CUBN: variants seen among roughly 807,000 people sequenced by gnomAD.
The protein encoded by CUBN is 460 kDa receptor.
In CUBN, 282 loss-of-function variants were observed where a neutral mutation model predicts 405.3. The ratio of observed to expected loss-of-function variants is 0.70; its 90% confidence interval spans 0.63 to 0.77. The LOEUF is 0.77. Ranked by LOEUF, CUBN falls within the 30% of genes least tolerant of loss-of-function variation. CUBN has a pLI of 0.00. For missense variants in CUBN, 4,514 were observed against 4,475.2 expected (o/e 1.01, Z -0.25); for synonymous variants, 1,684 against 1,617.0 (o/e 1.04, Z -0.99).
At position 16,847,417 on chromosome 10, in the gene CUBN, A is replaced by G. The variant is rs566073020; in HGVS notation, c.9663+3818T>C. On this transcript the variant is annotated intron_variant, in intron 60 of 66. Coordinates refer to ENST00000377833, the MANE Select transcript of CUBN (RefSeq NM_001081.4). ...CAGTGAGCCGAGATAGCACCACTGC[A>G]GTCCAGCCTGGGCAAGACAGCACCA... Among the ~76,000 whole-genome samples, 17 of 152,242 alleles carry G rather than the reference A, an allele frequency of 1.1e-4. No individual in the cohort carries two copies. In the South Asian group the frequency reaches 2.7e-3, roughly 24 times the overall value.
intron 29 of CUBN, among the ~76,000 whole-genome samples, chr10:16,986,796 T>A (rs1833440555): frequency 6.6e-6 from 1 of 152,160 alleles, no homozygotes; most frequent in Admixed American, 6.5e-5. Context: ...TGACAGCATG[T>A]GCTCCCAATC....
intron 22 of CUBN, among the ~76,000 whole-genome samples, chr10:17,058,723 CCTT>C (rs796608743): frequency 4.7e-4 from 71 of 152,070 alleles, no homozygotes; most frequent in African/African-American, 1.7e-3. Flanking sequence ...ATAAATGGCT[CCTT>C]CTAGAATAAT....
intron 22 of CUBN, among the ~76,000 whole-genome samples, chr10:17,063,138 C>G (rs920965869): frequency 3.2e-4 from 49 of 152,302 alleles, no homozygotes; most frequent in Non-Finnish European, 6.0e-4. Flanking sequence ...CAGGACCCCC[C>G]CTCAGCAATG....
At chr10:16,895,034 A>C (rs759543105) in intron 54 of CUBN, among the ~76,000 whole-genome samples, 6 of 152,170 alleles carry the variant, frequency 3.9e-5, no homozygotes. Flanking sequence ...CTCTTACACC[A>C]CAGCAGAAAA....
chr10:17,052,549 GAGTC>G (rs1835293347), intron 22 of CUBN, among the ~76,000 whole-genome samples: 1 of 151,686 alleles, frequency 6.6e-6, no homozygotes, highest in Non-Finnish European at 1.5e-5. Context: ...CTGAGGTCAG[GAGTC>G]CGAGACCAGC....
At chr10:16,910,087 C>T (rs151037481) in intron 48 of CUBN, among the ~76,000 whole-genome samples, 2 of 150,638 alleles carry the variant, frequency 1.3e-5, no homozygotes, top group East Asian at 3.9e-4. Context: ...TCTCTTTCTC[C>T]CTCTCCTTCT....
rs190105742 is a variant in CUBN at position 16,951,806 on chromosome 10, G to A, written c.4969+470C>T. Among the ~76,000 whole-genome samples the A allele has an allele frequency of 2.5e-3, 385 of 152,268 alleles. 2 individuals carry two copies. The highest frequency in any genetic ancestry group is 3.9e-3 in the Non-Finnish European group (265 of 68,006). On this transcript the variant is annotated intron_variant, in intron 33 of 66. Transcript: ENST00000377833. ...AATGTTTGCTTTGATGGATAGGTGCGCGCATTGCATTCTGGCCCGTGAGTC... is the reference window on the plus strand; with the variant it reads ...AATGTTTGCTTTGATGGATAGGTGCACGCATTGCATTCTGGCCCGTGAGTC...
chr10:16,862,143 G>GTC lies in CUBN; in HGVS notation c.9454+7491_9454+7492dup, dbSNP rs764285300. ...CAGCCTGGCAACAGAGTGAGACTCC[G>GTC]TCTCTCTCTCTCTCTCTCACACACA... is the stretch of plus-strand genomic sequence containing the variant. On this transcript the variant is annotated intron_variant, in intron 59 of 66. Coordinates refer to ENST00000377833, the MANE Select transcript of CUBN (RefSeq NM_001081.4). Among the ~76,000 whole-genome samples the GTC allele has an allele frequency of 2.1e-3, 255 of 121,348 alleles. 2 individuals are homozygous for GTC. The highest frequency in any genetic ancestry group is 0.015 in the East Asian group (56 of 3,764). The allele number at this position is 121,348 out of a possible 152,430, so 79.6% of individuals were successfully genotyped here.
At chr10:17,022,422 T>C (rs1250681044) in intron 27 of CUBN, among the ~76,000 whole-genome samples, 2 of 152,208 alleles carry the variant, frequency 1.3e-5, no homozygotes, top group African/African-American at 2.4e-5. Flanking sequence ...TTTTTCGTAC[T>C]GCTGCTTTGA....
chr10:16,875,015 G>C (rs891235175), intron 57 of CUBN, among the ~76,000 whole-genome samples: 1 of 152,098 alleles, frequency 6.6e-6, no homozygotes, highest in Non-Finnish European at 1.5e-5. Context: ...GAGCTTTCCA[G>C]TTTAGTTCCT....
intron 31 of CUBN, among the ~76,000 whole-genome samples, chr10:16,958,675 G>A (rs1448713063): frequency 6.6e-6 from 1 of 152,214 alleles, no homozygotes; most frequent in Admixed American, 6.5e-5. Flanking sequence ...GGAGGCAAGT[G>A]CTAAGCTATT....
chr10:17,015,930 C>T (rs944215268), intron 28 of CUBN, among the ~76,000 whole-genome samples: 1 of 152,158 alleles, frequency 6.6e-6, no homozygotes, highest in African/African-American at 2.4e-5. Flanking sequence ...AAGGCTGTGG[C>T]CTTTCTCTGA....
intron 22 of CUBN, among the ~76,000 whole-genome samples, chr10:17,061,229 C>A (rs1835499175): frequency 6.6e-6 from 1 of 152,196 alleles, no homozygotes; most frequent in Admixed American, 6.6e-5. Flanking sequence ...ACAGTCCAAT[C>A]CACTATTGTA....
At chr10:16,898,772 C>T (rs1841269506) in intron 54 of CUBN, among the ~76,000 whole-genome samples, 1 of 151,912 alleles carries the variant, frequency 6.6e-6, no homozygotes, top group Non-Finnish European at 1.5e-5. Flanking sequence ...GTGGTAGTGC[C>T]CTATATTATA....
intron 27 of CUBN, among the ~76,000 whole-genome samples, chr10:17,037,322 AG>A (rs1231867985): frequency 1.3e-5 from 2 of 152,240 alleles, no homozygotes; most frequent in African/African-American, 4.8e-5. Context: ...ATGAAGATTT[AG>A]GGAGGTCATG....
intron 22 of CUBN, among the ~76,000 whole-genome samples, chr10:17,055,508 T>A (rs983035138): frequency 2.0e-5 from 3 of 152,072 alleles, no homozygotes; most frequent in African/African-American, 7.2e-5. Context: ...TTGTCATCTA[T>A]GTAGTATATA....
intron 50 of CUBN, among the ~76,000 whole-genome samples, chr10:16,905,372 C>T (rs746709140): frequency 3.3e-5 from 5 of 152,072 alleles, no homozygotes; most frequent in Non-Finnish European, 7.4e-5. Flanking sequence ...TTGAGTACAC[C>T]GCAATCCTTT....
At chr10:16,849,418 G>A (rs569825688) in intron 60 of CUBN, among the ~76,000 whole-genome samples, 1 of 152,206 alleles carries the variant, frequency 6.6e-6, no homozygotes, top group East Asian at 1.9e-4. Flanking sequence ...TGGAAGGAAG[G>A]CTCTTTGCTG....
Position 17,127,779 on chromosome 10 carries a change from T to C in CUBN, c.348+50A>G, listed in dbSNP as rs114286622. 9 of 1,366,272 alleles carry C rather than the reference T, an allele frequency of 6.6e-6. No homozygotes were observed. The South Asian group carries it at 8.4e-5, about 13-fold the overall frequency. 84.6% of individuals were successfully genotyped at this position (1,366,272 alleles called of 1,614,324 possible). A position where few individuals can be genotyped will look rare whatever the true frequency, so the allele number is the denominator to read the frequency against. ...CCCTACAAAACGGTTACTTATACAA[T>C]AGAACTAGGGAGAACTCATCGGTTC... On this transcript the variant is annotated intron_variant, in intron 3 of 66. Coordinates refer to ENST00000377833, the MANE Select transcript of CUBN (RefSeq NM_001081.4).
Sources: allele counts gnomAD v4.1 joint callset (sites outside exome capture counted in the v4.1 genomes callset), GRCh38; gene constraint gnomAD v4.1.1; transcripts MANE v1.5; gene names NCBI Gene and HGNC (gene_info 2026-07-23, HGNC 2026-07-21).